The following PDE3B variants were observed in gnomAD, a reference collection of about 807,000 sequenced individuals.
PDE3B encodes the protein phosphodiesterase 3B.
A neutral mutation model predicts 116.8 loss-of-function variants in PDE3B; 66 were observed. The observed-to-expected ratio is 0.56, with a 90% CI of 0.46 to 0.69. PDE3B has a LOEUF of 0.69. PDE3B is among the 30% of genes least tolerant of loss of function. The pLI is 0.00. For synonymous variants in PDE3B, 595 were observed against 533.6 expected, an observed-to-expected ratio of 1.12 and a Z score of -1.59; for missense variants, 1,384 against 1,368.1, an observed-to-expected ratio of 1.01 and a Z score of -0.18.
chr11:14,760,322 T>G (rs1857323400), intron 1 of PDE3B, among the ~76,000 whole-genome samples: 1 of 152,202 alleles, frequency 6.6e-6, no homozygotes, highest in South Asian at 2.1e-4. Flanking sequence ...CAAGTGATAT[T>G]TATAGGTTAA....
At chr11:14,716,143 CAAAG>C (rs1396058559) in intron 1 of PDE3B, among the ~76,000 whole-genome samples, 1 of 152,128 alleles carries the variant, frequency 6.6e-6, no homozygotes, top group African/African-American at 2.4e-5. Flanking sequence ...CTTTCCGAGT[CAAAG>C]AAAGGGGTGA....
intron 12 of PDE3B, among the ~76,000 whole-genome samples, chr11:14,850,560 T>G (rs1847724126): frequency 6.6e-6 from 1 of 152,326 alleles, no homozygotes; most frequent in East Asian, 1.9e-4. Flanking sequence ...AAAGCTATAA[T>G]GGTTGAGAAC....
At chr11:14,815,777 A>G (rs1859306144) in intron 5 of PDE3B, among the ~76,000 whole-genome samples, 1 of 152,210 alleles carries the variant, frequency 6.6e-6, no homozygotes, top group Non-Finnish European at 1.5e-5. Flanking sequence ...TAGAAAAATT[A>G]GCAAAAGACT....
intron 1 of PDE3B, among the ~76,000 whole-genome samples, chr11:14,663,801 A>C (rs897945290): frequency 6.6e-6 from 1 of 152,276 alleles, no homozygotes; most frequent in Non-Finnish European, 1.5e-5. Flanking sequence ...AGAGACTTAG[A>C]CTCCCACACA....
intron 11 of PDE3B, among the ~76,000 whole-genome samples, chr11:14,836,797 CCTTT>C (rs1039126102): frequency 1.4e-4 from 21 of 152,088 alleles, no homozygotes; most frequent in South Asian, 4.1e-4. Context: ...GGCTCATGGC[CCTTT>C]CTTTCTTTCT....
intron 1 of PDE3B, among the ~76,000 whole-genome samples, chr11:14,649,626 G>A (rs1443881604): frequency 6.6e-6 from 1 of 152,190 alleles, no homozygotes; most frequent in Non-Finnish European, 1.5e-5. Flanking sequence ...GGCAAGAAGT[G>A]AGAGAGAGTC....
intron 1 of PDE3B, among the ~76,000 whole-genome samples, chr11:14,715,352 G>A (rs1014337133): frequency 2.0e-5 from 3 of 152,136 alleles, no homozygotes; most frequent in Non-Finnish European, 4.4e-5. Context: ...ACCTTGGGCA[G>A]TATGGCCATT....
Position 14,786,646 on chromosome 11 carries a change from AGAG to A in PDE3B, c.1242_1244del (p.Glu414del). On this transcript the variant is annotated inframe_deletion, in exon 3 of 16. Coordinates refer to ENST00000282096, the MANE Select transcript of PDE3B (RefSeq NM_000922.4). ...CTGGATTTTACCCCTGTTCTGAAAT[AGAG>A]GACCCAGCTGAGAAAGGGGATAGAA... 1 of 1,612,428 alleles carries A rather than the reference AGAG, an allele frequency of 6.2e-7. No individual in the cohort carries two copies. The highest frequency in any genetic ancestry group is 8.5e-7 in the Non-Finnish European group (1 of 1,178,620).
chr11:14,649,083 AT>A lies in PDE3B; in HGVS notation c.978+4033del, dbSNP rs576932008. Among the ~76,000 whole-genome samples, 981 of 152,276 alleles carry A rather than the reference AT, an allele frequency of 6.4e-3. 10 individuals are homozygous for A. The highest frequency in any genetic ancestry group is 0.022 in the African/African-American group (932 of 41,572). ...TGCATTAGATAGTCACATCTCCATA[AT>A]TTGTTTTTATACACTTAGTAGAAGG... On this transcript the variant is annotated intron_variant, in intron 1 of 15. Coordinates refer to ENST00000282096, the MANE Select transcript of PDE3B (RefSeq NM_000922.4).
intron 4 of PDE3B, among the ~76,000 whole-genome samples, chr11:14,800,602 T>G (rs183510336): frequency 6.6e-6 from 1 of 152,212 alleles, no homozygotes; most frequent in Non-Finnish European, 1.5e-5. Flanking sequence ...TTTCCTTCAT[T>G]TCAACTTCGG....
At chr11:14,844,052 A>G (rs1847532690) in intron 12 of PDE3B, 26 bp downstream of exon 12, 1 of 1,562,424 alleles carries the variant, frequency 6.4e-7, no homozygotes, top group Non-Finnish European at 8.8e-7. Context: ...AAGAACCTTT[A>G]AAGAGTAATT....
intron 1 of PDE3B, among the ~76,000 whole-genome samples, chr11:14,667,189 A>T (rs1590045939): frequency 1.3e-5 from 2 of 151,934 alleles, no homozygotes; most frequent in East Asian, 3.9e-4. Flanking sequence ...CAAGGACAAA[A>T]AACCAAACAC....
chr11:14,808,710 A>G (rs1011849859), intron 5 of PDE3B, among the ~76,000 whole-genome samples: 2 of 152,188 alleles, frequency 1.3e-5, no homozygotes, highest in Non-Finnish European at 2.9e-5. Context: ...AATCAATTTT[A>G]TTTCTATATG....
At chr11:14,769,991 T>G (rs1857593309) in intron 1 of PDE3B, among the ~76,000 whole-genome samples, 1 of 151,400 alleles carries the variant, frequency 6.6e-6, no homozygotes, top group African/African-American at 2.4e-5. Flanking sequence ...GAAACCATCC[T>G]AATGAAAAGT....
At chr11:14,724,945 G>A (rs1184889112) in intron 1 of PDE3B, among the ~76,000 whole-genome samples, 1 of 152,202 alleles carries the variant, frequency 6.6e-6, no homozygotes, top group Non-Finnish European at 1.5e-5. Flanking sequence ...GCAGGGATAA[G>A]ATAGTCAAGA....
chr11:14,706,175 A>G (rs947772288), intron 1 of PDE3B, among the ~76,000 whole-genome samples: 1 of 150,900 alleles, frequency 6.6e-6, no homozygotes, highest in Non-Finnish European at 1.5e-5. Context: ...TCCCTCTTCT[A>G]CCTATCCTTA....
At chr11:14,876,029 A>T (rs781363203), downstream of PDE3B, among the ~76,000 whole-genome samples, 36 of 152,182 alleles carry the variant, frequency 2.4e-4, no homozygotes, top group Admixed American at 1.6e-3. Context: ...TCAAAAGCAA[A>T]AGAAAGCCTC....
intron 1 of PDE3B, among the ~76,000 whole-genome samples, chr11:14,729,092 A>G (rs952375896): frequency 3.3e-5 from 5 of 152,158 alleles, no homozygotes; most frequent in African/African-American, 7.2e-5. Context: ...TACCTCTGCT[A>G]TAGTTTTCAG....
chr11:14,644,888 A>G lies in PDE3B; in HGVS notation c.813A>G (p.Glu271=), dbSNP rs772293399. The change falls in exon 1 of 16, where the codon GAA becomes GAG. Residue 271 remains glutamate, a synonymous_variant. Coordinates refer to ENST00000282096, the MANE Select transcript of PDE3B (RefSeq NM_000922.4). ...TGGATCACTTCTTTCAAATCAGGGAAGCGCCTCTTCATCCTCGACTGTCCA... is the reference window on the plus strand; with the variant it reads ...TGGATCACTTCTTTCAAATCAGGGAGGCGCCTCTTCATCCTCGACTGTCCA... The part of the protein sequence containing the change: ...LGLDHFFQIR[E]APLHPRLSSA... 3 of 1,614,046 alleles carry G rather than the reference A, an allele frequency of 1.9e-6. No individual in the cohort carries two copies. Among genetic ancestry groups the G allele is most frequent in the Middle Eastern group, 1.6e-4 (1 of 6,062 alleles).
Sources: allele counts gnomAD v4.1 joint callset (sites outside exome capture counted in the v4.1 genomes callset), GRCh38; gene constraint gnomAD v4.1.1; transcripts MANE v1.5; gene names NCBI Gene and HGNC (gene_info 2026-07-23, HGNC 2026-07-21).